The following HMCN1 variants were observed in gnomAD, a reference collection of about 807,000 sequenced individuals.
HMCN1 encodes the protein hemicentin 1.
In HMCN1, 321 loss-of-function variants were observed where a neutral mutation model predicts 625.9. The observed-to-expected ratio is 0.51, with a 90% CI of 0.47 to 0.56. HMCN1 has a LOEUF of 0.56. Among genes scored for constraint, HMCN1 ranks in the 20% least tolerant of loss-of-function variants. The pLI is 0.00. For synonymous variants in HMCN1, 2,425 were observed against 2,417.6 expected, an observed-to-expected ratio of 1.00 and a Z score of -0.09; for missense variants, 6,588 against 6,887.3, an observed-to-expected ratio of 0.96 and a Z score of 1.54.
chr1:186,111,231 T>G (rs1660872157), intron 71 of HMCN1, among the ~76,000 whole-genome samples: 1 of 151,980 alleles, frequency 6.6e-6, no homozygotes, highest in Non-Finnish European at 1.5e-5. Context: ...TCCACCCGCC[T>G]CAGCCTCCCA....
At chr1:185,869,736 C>T (rs1663490748) in intron 4 of HMCN1, among the ~76,000 whole-genome samples, 1 of 152,046 alleles carries the variant, frequency 6.6e-6, no homozygotes. Context: ...TTAGTCATTT[C>T]TTTTTTCTCA....
chr1:185,756,398 A>T lies in HMCN1; in HGVS notation c.268+21351A>T, dbSNP rs372853631. Reference sequence around the variant, plus strand: ...AAGGGTACATGCCTTGAGTTAGGTGAACCTGGGTCTGGAACTGTTTTTTCC... The same window carrying T: ...AAGGGTACATGCCTTGAGTTAGGTGTACCTGGGTCTGGAACTGTTTTTTCC... On this transcript the variant is annotated intron_variant, in intron 1 of 106. Coordinates refer to ENST00000271588, the MANE Select transcript of HMCN1 (RefSeq NM_031935.3). 3.9e-5 allele frequency among the ~76,000 whole-genome samples: 6 copies of T among 151,966 alleles called. No homozygotes were observed. The South Asian group carries it at 8.3e-4, about 21-fold the overall frequency.
At chr1:185,738,141 TTTTATTGAGATG>T (rs1286931511) in intron 1 of HMCN1, among the ~76,000 whole-genome samples, 1 of 152,222 alleles carries the variant, frequency 6.6e-6, no homozygotes, top group Non-Finnish European at 1.5e-5. Flanking sequence ...TTTTTAATGG[TTTTATTGAGATG>T]TAATCCCCTT....
chr1:185,799,081 G>A (rs1242442514), intron 1 of HMCN1, among the ~76,000 whole-genome samples: 1 of 151,310 alleles, frequency 6.6e-6, no homozygotes, highest in East Asian at 1.9e-4. Context: ...TGTTGTTTAG[G>A]GTCTTTTGGC....
intron 1 of HMCN1, among the ~76,000 whole-genome samples, chr1:185,813,176 G>A (rs977967403): frequency 3.9e-5 from 6 of 152,122 alleles, no homozygotes; most frequent in Non-Finnish European, 8.8e-5. Context: ...ATCAATGAAT[G>A]AATAAGTATA....
rs770313559 is a variant in HMCN1 at position 186,145,853 on chromosome 1, A to G, written c.14538A>G (p.Pro4846=). The change falls in exon 93 of 107, where the codon CCA becomes CCG. Residue 4846 remains proline (P), a synonymous_variant. Transcript: ENST00000271588. ...TRKRLCDHPV[P]VKGGRPCPGD... Reference sequence around the variant, plus strand: ...AGCGGCTGTGCGACCATCCTGTGCCAGTTAAAGGTGGCCGTCCCTGTCCCG... The same window carrying G: ...AGCGGCTGTGCGACCATCCTGTGCCGGTTAAAGGTGGCCGTCCCTGTCCCG... 1 of 1,614,070 alleles carries G rather than the reference A, an allele frequency of 6.2e-7. No homozygotes were observed. Among genetic ancestry groups the G allele is most frequent in the South Asian group, 1.1e-5 (1 of 91,082 alleles).
intron 30 of HMCN1, among the ~76,000 whole-genome samples, chr1:186,011,078 C>T (rs1297004689): frequency 3.9e-5 from 6 of 151,978 alleles, no homozygotes; most frequent in Admixed American, 6.6e-5. Flanking sequence ...GAGGGAGTCT[C>T]GCTGTCACCC....
At chr1:185,919,471 C>T (rs777348989) in intron 6 of HMCN1, among the ~76,000 whole-genome samples, 4 of 152,106 alleles carry the variant, frequency 2.6e-5, no homozygotes, top group Admixed American at 2.6e-4. Context: ...TAGATTTACT[C>T]GTAGATTTGG....
rs748625157 is a variant in HMCN1, at chr1:186,171,338, T to A, written c.15576T>A (p.Asp5192Glu). 1 of 1,609,150 alleles carries A rather than the reference T, an allele frequency of 6.2e-7. No homozygotes were observed. The highest frequency in any genetic ancestry group is 1.7e-5 in the Admixed American group (1 of 59,982). Reference sequence around the variant, plus strand: ...TGAAAGTTTTGTTTTATTTAACAGATATTAATGAATGTCAAGAATCCAGCC... The same window carrying A: ...TGAAAGTTTTGTTTTATTTAACAGAAATTAATGAATGTCAAGAATCCAGCC... ...RRTSDGLSCQ[D>E]INECQESSPC... Residue 5192 changes from aspartate to glutamate, a missense_variant and splice_region_variant, in exon 101 of 107, where the codon GAT becomes GAA. Coordinates refer to ENST00000271588, the MANE Select transcript of HMCN1 (RefSeq NM_031935.3).
chr1:186,068,879 A>C (rs1658308108), intron 50 of HMCN1, among the ~76,000 whole-genome samples: 1 of 151,870 alleles, frequency 6.6e-6, no homozygotes, highest in Non-Finnish European at 1.5e-5. Context: ...AAAAAAAAAA[A>C]AAAAAAAAAA....
chr1:185,883,295 T>C (rs1664422446), intron 4 of HMCN1, among the ~76,000 whole-genome samples: 1 of 152,076 alleles, frequency 6.6e-6, no homozygotes. Context: ...AAATGCAAAA[T>C]GCATTCATAT....
chr1:186,132,942 T>C (rs1431798688), intron 86 of HMCN1, among the ~76,000 whole-genome samples: 1 of 152,164 alleles, frequency 6.6e-6, no homozygotes, highest in African/African-American at 2.4e-5. Context: ...GTTTCCAGCT[T>C]CATCCATGTC....
intron 1 of HMCN1, among the ~76,000 whole-genome samples, chr1:185,794,711 C>T (rs1658252246): frequency 6.7e-6 from 1 of 149,716 alleles, no homozygotes; most frequent in Non-Finnish European, 1.5e-5. Flanking sequence ...AGCCCACTGA[C>T]TCAAATATTA....
chr1:186,099,293 T>A (rs1660283492), intron 68 of HMCN1, among the ~76,000 whole-genome samples: 1 of 151,906 alleles, frequency 6.6e-6, no homozygotes, highest in African/African-American at 2.4e-5. Context: ...AATAATTATG[T>A]GTCAATGAGA....
chr1:186,048,774 G>A lies in HMCN1; in HGVS notation c.6512G>A (p.Arg2171His), dbSNP rs376172871. 1.0e-4 allele frequency: 169 copies of A among 1,611,262 alleles called. No individual in the cohort carries two copies. The highest frequency in any genetic ancestry group is 1.6e-4 in the South Asian group (15 of 91,008). The change falls in exon 42 of 107, where the codon CGT becomes CAT. Residue 2171 changes from arginine (R) to histidine (H), a missense_variant. Transcript: ENST00000271588. ...GATGCTCAGGTTCAAGACACTGGTC[G>A]TTACACTTGTGAAGCAACAAATGTT... ...IEDAQVQDTG[R>H]YTCEATNVAG...
intron 7 of HMCN1, 66 bp from the exon 8 acceptor site, chr1:185,923,324 A>G (rs1236210367): frequency 8.2e-7 from 1 of 1,213,220 alleles, no homozygotes; most frequent in African/African-American, 1.5e-5. Context: ...TCATGCAAAT[A>G]CTTATTTGAT....
At position 185,895,774 on chromosome 1, in the gene HMCN1, C is replaced by A. The variant is rs78621181; in HGVS notation, c.622-13563C>A. On this transcript the variant is annotated intron_variant, in intron 4 of 106. Transcript: ENST00000271588. ...TGTTAAGAGCCTCATACTGAATGAG[C>A]ATGTGTAAGACCTTTCTTACATTGT... Among the ~76,000 whole-genome samples, 990 of 152,242 alleles carry A rather than the reference C, an allele frequency of 6.5e-3. 3 individuals are homozygous for A. The highest frequency in any genetic ancestry group is 0.017 in the Middle Eastern group (5 of 294).
chr1:186,149,839 G>A (rs1247163866), intron 93 of HMCN1, among the ~76,000 whole-genome samples: 1 of 152,144 alleles, frequency 6.6e-6, no homozygotes, highest in Non-Finnish European at 1.5e-5. Flanking sequence ...TCGAGGAGAG[G>A]AAGAGAGTCA....
At chr1:185,911,522 T>A in intron 5 of HMCN1, 152 bp from the exon 6 acceptor site, 1 of 719,910 alleles carries the variant, frequency 1.4e-6, no homozygotes, top group Non-Finnish European at 2.5e-6. Flanking sequence ...AAATAAAGAC[T>A]CTTTGGGTTA....
Sources: allele counts gnomAD v4.1 joint callset (sites outside exome capture counted in the v4.1 genomes callset), GRCh38; gene constraint gnomAD v4.1.1; transcripts MANE v1.5; gene names NCBI Gene and HGNC (gene_info 2026-07-23, HGNC 2026-07-21).